The following MED12L variants were observed in gnomAD, a reference collection of about 807,000 sequenced individuals.
The protein encoded by MED12L is mediator of RNA polymerase II transcription subunit 12-like protein.
In MED12L, 60 loss-of-function variants were observed where a neutral mutation model predicts 281.3. The observed-to-expected ratio is 0.21, with a 90% confidence interval of 0.17 to 0.26. The LOEUF is 0.26. Ranked by LOEUF, MED12L falls within the 10% of genes least tolerant of loss-of-function variation. MED12L has a pLI of 1.00. For missense variants in MED12L, 2,146 were observed against 2,680.9 expected, an observed-to-expected ratio of 0.80 and a Z score of 4.41; for synonymous variants, 974 against 987.2, an observed-to-expected ratio of 0.99 and a Z score of 0.25.
intron 4 of MED12L, among the ~76,000 whole-genome samples, chr3:151,124,545 T>C (rs1424291040): frequency 1.3e-5 from 2 of 152,236 alleles, no homozygotes; most frequent in Non-Finnish European, 2.9e-5. Flanking sequence ...ATTCTCTGCA[T>C]GTTCTTCATA....
At chr3:151,400,177 G>T (rs180930453) in intron 39 of MED12L, among the ~76,000 whole-genome samples, 5 of 152,358 alleles carry the variant, frequency 3.3e-5, no homozygotes, top group Admixed American at 2.6e-4. Context: ...GAAGGGGCTT[G>T]CAGAAGCAAT....
chr3:151,304,990 C>G (rs1746454742), intron 16 of MED12L, among the ~76,000 whole-genome samples: 1 of 152,146 alleles, frequency 6.6e-6, no homozygotes, highest in African/African-American at 2.4e-5. Context: ...CAGCTGCCCT[C>G]TCAGGAGTCA....
chr3:151,426,449 C>T (rs886422374), intron 43 of MED12L, among the ~76,000 whole-genome samples: 6 of 152,170 alleles, frequency 3.9e-5, no homozygotes, highest in Admixed American at 3.3e-4. Flanking sequence ...AGAGAAATTG[C>T]ATCTGGGGCC....
chr3:151,222,302 C>CG (rs1553747417), intron 16 of MED12L, among the ~76,000 whole-genome samples: 1 of 151,954 alleles, frequency 6.6e-6, no homozygotes, highest in Non-Finnish European at 1.5e-5. Flanking sequence ...TGAATTGAGA[C>CG]TTGGGGGACT....
chr3:151,225,607 G>A (rs1269899792), intron 16 of MED12L, among the ~76,000 whole-genome samples: 1 of 152,126 alleles, frequency 6.6e-6, no homozygotes, highest in Non-Finnish European at 1.5e-5. Context: ...CACTCAAACC[G>A]TAGCAGCTTT....
intron 16 of MED12L, among the ~76,000 whole-genome samples, chr3:151,245,530 C>T (rs1362869951): frequency 2.7e-5 from 4 of 148,380 alleles, no homozygotes; most frequent in Admixed American, 1.4e-4. Context: ...ACATGATTAT[C>T]TCAATAGATG....
At chr3:151,426,052 A>G (rs1383428037) in intron 43 of MED12L, among the ~76,000 whole-genome samples, 1 of 152,204 alleles carries the variant, frequency 6.6e-6, no homozygotes, top group Non-Finnish European at 1.5e-5. Flanking sequence ...AAGGCAAAAC[A>G]TACATAGATT....
intron 16 of MED12L, among the ~76,000 whole-genome samples, chr3:151,311,673 G>A (rs1747538676): frequency 6.6e-6 from 1 of 152,112 alleles, no homozygotes; most frequent in Non-Finnish European, 1.5e-5. Flanking sequence ...ATTACTTTGA[G>A]CCACATTCTA....
intron 39 of MED12L, among the ~76,000 whole-genome samples, chr3:151,402,180 G>A (rs1715771538): frequency 6.6e-6 from 1 of 152,094 alleles, no homozygotes; most frequent in African/African-American, 2.4e-5. Flanking sequence ...TTCTATTATT[G>A]GTGAAATCCT....
chr3:151,388,523 T>A (rs1212291865), intron 37 of MED12L, among the ~76,000 whole-genome samples: 1 of 152,216 alleles, frequency 6.6e-6, no homozygotes, highest in Non-Finnish European at 1.5e-5. Flanking sequence ...ATGTCTAAAA[T>A]ATTTATTGTA....
chr3:151,224,479 A>G (rs992475894), intron 16 of MED12L, among the ~76,000 whole-genome samples: 4 of 151,142 alleles, frequency 2.6e-5, no homozygotes, highest in South Asian at 2.1e-4. Context: ...GTGATCGCCT[A>G]TGCGGTTTTC....
At chr3:151,318,748 C>A (rs1748615533) in intron 16 of MED12L, among the ~76,000 whole-genome samples, 1 of 152,058 alleles carries the variant, frequency 6.6e-6, no homozygotes, top group Non-Finnish European at 1.5e-5. Context: ...AAAGAGAGGG[C>A]CCTACTGTGA....
chr3:151,112,493 C>T (rs2148715518), intron 2 of MED12L, among the ~76,000 whole-genome samples: 1 of 152,164 alleles, frequency 6.6e-6, no homozygotes, highest in African/African-American at 2.4e-5. Context: ...TGAGATTCTG[C>T]CTTTCTAACA....
At chr3:151,330,908 C>T (rs1750280299) in intron 16 of MED12L, among the ~76,000 whole-genome samples, 1 of 152,052 alleles carries the variant, frequency 6.6e-6, no homozygotes, top group African/African-American at 2.4e-5. Context: ...TCCTTTATTT[C>T]TTAAGTAGAG....
chr3:151,178,340 G>A (rs571252320), intron 11 of MED12L, among the ~76,000 whole-genome samples: 7 of 152,178 alleles, frequency 4.6e-5, no homozygotes, highest in African/African-American at 1.7e-4. Context: ...AAAGCCAAAA[G>A]CTGGAAATCT....
At chr3:151,333,347 T>C (rs73006560) in intron 16 of MED12L, among the ~76,000 whole-genome samples, 4,013 of 152,304 alleles carry the variant, frequency 0.026, 165 homozygotes, top group African/African-American at 0.093. Flanking sequence ...GCTGAACTAA[T>C]TTACTTTCCC....
At chr3:151,179,856 A>T (rs1041307071) in intron 11 of MED12L, among the ~76,000 whole-genome samples, 1 of 152,238 alleles carries the variant, frequency 6.6e-6, no homozygotes, top group African/African-American at 2.4e-5. Context: ...AAGACATTCA[A>T]TCTGAGAAGT....
chr3:151,366,048 G>C, intron 23 of MED12L, 57 bp downstream of exon 23: 2 of 1,353,140 alleles, frequency 1.5e-6, no homozygotes, highest in Non-Finnish European at 1.9e-6. Flanking sequence ...TTAGTTAGTG[G>C]GTAATCTTTT....
chr3:151,207,755 A>T (rs898426594), intron 16 of MED12L, among the ~76,000 whole-genome samples: 7 of 152,128 alleles, frequency 4.6e-5, no homozygotes, highest in African/African-American at 1.7e-4. Context: ...AGCAATAAGG[A>T]TCTGAAATTA....
Sources: allele counts gnomAD v4.1 joint callset (sites outside exome capture counted in the v4.1 genomes callset), GRCh38; gene constraint gnomAD v4.1.1; transcripts MANE v1.5; gene names NCBI Gene and HGNC (gene_info 2026-07-23, HGNC 2026-07-21).